Variants in KAZN observed in about 807,000 individuals in gnomAD.
KAZN encodes the protein kazrin, periplakin interacting protein, also known as kazrin.
KAZN carries 40 observed loss-of-function variants against 87.4 expected under a neutral mutation model. The ratio of observed to expected loss-of-function variants is 0.46; its 90% CI spans 0.36 to 0.60. The LOEUF is 0.60. Ranked by LOEUF, KAZN falls within the 20% of genes least tolerant of loss-of-function variation. The pLI is 0.00. For missense variants in KAZN, 898 were observed against 1,073.9 expected (o/e 0.84, Z 2.29); for synonymous variants, 466 against 458.3 (o/e 1.02, Z -0.22).
rs114044864 is a variant in KAZN, at chr1:14,313,363, C to T, written c.249+132771C>T. 5.8e-3 allele frequency among the ~76,000 whole-genome samples: 879 copies of T among 152,248 alleles called. 8 individuals are homozygous for T. The highest frequency in any genetic ancestry group is 0.02 in the African/African-American group (813 of 41,548). ...CTGGAGCCTGCCTTCTTTATCACTC[C>T]TTAAACAGCTTCATCAATGGAATGA... On this transcript the variant is annotated intron_variant, in intron 2 of 16. Transcript: ENST00000636203.
chr1:15,099,419 T>C lies in KAZN; in HGVS notation c.1548-2124T>C, dbSNP rs1458194616. Among the ~76,000 whole-genome samples the C allele has an allele frequency of 6.6e-6, 1 of 152,094 alleles. No homozygotes were observed. Among genetic ancestry groups the C allele is most frequent in the African/African-American group, 2.4e-5 (1 of 41,388 alleles). ...TGATTAGAGCTTTGAAGGAAAGCAC[T>C]AGGGACAGTAAGCAGACTTGGGGGC... On this transcript the variant is annotated intron_variant, in intron 10 of 14. Transcript: ENST00000376030. The surrounding 1 kb of genome is among the most constrained non-coding windows in gnomAD (Gnocchi z 5.4).
Position 14,669,799 on chromosome 1 carries a change from C to G in KAZN, c.226+70576C>G, listed in dbSNP as rs181054474. Among the ~76,000 whole-genome samples, 151 of 152,238 alleles carry G rather than the reference C, an allele frequency of 9.9e-4. 1 individual carries two copies. Among genetic ancestry groups the G allele is most frequent in the Non-Finnish European group, 2.9e-4 (20 of 68,010 alleles). ...AATAAAACCGAGGCCCTGTGAACCTCGTCTCCAATATTAAAACCTCTCCCA... is the reference window on the plus strand; with the variant it reads ...AATAAAACCGAGGCCCTGTGAACCTGGTCTCCAATATTAAAACCTCTCCCA... On this transcript the variant is annotated intron_variant, in intron 1 of 14. Coordinates refer to ENST00000376030, the MANE Select transcript of KAZN (RefSeq NM_201628.3).
intron 2 of KAZN, among the ~76,000 whole-genome samples, chr1:14,329,517 G>A (rs77963864): frequency 0.03 from 4,614 of 152,302 alleles, 252 homozygotes; most frequent in African/African-American, 0.11. Context: ...GACATGATTG[G>A]CAGATCTAAA....
chr1:14,087,811 A>G (rs967448063), intron 1 of KAZN, among the ~76,000 whole-genome samples: 6 of 152,028 alleles, frequency 3.9e-5, no homozygotes, highest in Non-Finnish European at 7.4e-5. Flanking sequence ...CCAGCTGGTC[A>G]TGGTATATTT....
At position 14,299,689 on chromosome 1, in the gene KAZN, C is replaced by T. The variant is rs191715445; in HGVS notation, c.249+119097C>T. Reference sequence around the variant, plus strand: ...ATCACACTCACTCTGTACCTCCCATCCTCCTTAGCTGGCGGCACCTAGGTA... The same window carrying T: ...ATCACACTCACTCTGTACCTCCCATTCTCCTTAGCTGGCGGCACCTAGGTA... On this transcript the variant is annotated intron_variant, in intron 2 of 16. Coordinates refer to the KAZN transcript ENST00000636203. Among the ~76,000 whole-genome samples, 288 of 152,312 alleles carry T rather than the reference C, an allele frequency of 1.9e-3. 1 individual carries two copies. Among genetic ancestry groups the T allele is most frequent in the Non-Finnish European group, 2.0e-3 (137 of 68,028 alleles).
chr1:14,748,795 A>G (rs1034407408), intron 1 of KAZN, among the ~76,000 whole-genome samples: 1 of 146,414 alleles, frequency 6.8e-6, no homozygotes, highest in African/African-American at 2.5e-5. Flanking sequence ...TTCAATAAGC[A>G]TCAGTCATGT....
chr1:15,046,732 T>C (rs1424682188), intron 4 of KAZN, among the ~76,000 whole-genome samples: 2 of 152,184 alleles, frequency 1.3e-5, no homozygotes, highest in African/African-American at 2.4e-5. Context: ...TGAGAACTGC[T>C]GGGCAGGAAA....
In KAZN at chr1:15,034,770, G is replaced by C. The variant is rs1161821581; in HGVS notation, c.440G>C (p.Arg147Pro). The C allele has an allele frequency of 6.2e-7, 1 of 1,613,976 alleles. No homozygotes were observed. ...CCAGCCATGAAAGCTGATCGGAAGCGCTTAAAGGGCGAGAAGACAGACCTG... is the reference window on the plus strand; with the variant it reads ...CCAGCCATGAAAGCTGATCGGAAGCCCTTAAAGGGCGAGAAGACAGACCTG... ...ALQAMKADRK[R>P]LKGEKTDLVS... is the part of the protein sequence containing the mutation. Residue 147 changes from arginine to proline, a missense_variant, in exon 3 of 15, where the codon CGC (arginine) becomes CCC (proline). By Grantham distance (103) the Arg-to-Pro change is moderately radical. Around this residue, in one of 3 missense-constraint regions of KAZN, gnomAD observed 250 missense variants for 263.0 expected, o/e 0.95. Coordinates refer to ENST00000376030, the MANE Select transcript of KAZN (RefSeq NM_201628.3).
chr1:14,419,763 GTGT>G (rs1665226537), intron 2 of KAZN, among the ~76,000 whole-genome samples: 1 of 151,922 alleles, frequency 6.6e-6, no homozygotes, highest in African/African-American at 2.4e-5. Flanking sequence ...GGTGCGTCTG[GTGT>G]TGTTTGTCCC....
rs1055060890 is a variant in KAZN at position 14,315,664 on chromosome 1, T to C, written c.249+135072T>C. On this transcript the variant is annotated intron_variant, in intron 2 of 16. Transcript: ENST00000636203. ...ATGGGATGATGTAGTATGTCCTCTT[T>C]TGTGTTTGGAGTCTTTCTCTTAGCA... Among the ~76,000 whole-genome samples, 4 of 152,192 alleles carry C rather than the reference T, an allele frequency of 2.6e-5. No individual in the cohort carries two copies. The East Asian group carries it at 5.8e-4, about 22-fold the overall frequency.
chr1:14,406,008 G>A (rs1486377248), intron 2 of KAZN, among the ~76,000 whole-genome samples: 2 of 152,178 alleles, frequency 1.3e-5, no homozygotes, highest in Admixed American at 1.3e-4. Context: ...GAGAAGTAAT[G>A]AATAATAAGA....
At chr1:14,970,514 T>G (rs1037941574) in intron 2 of KAZN, among the ~76,000 whole-genome samples, 1 of 152,174 alleles carries the variant, frequency 6.6e-6, no homozygotes, top group Non-Finnish European at 1.5e-5. Flanking sequence ...ATGCAGTAAT[T>G]TTTTTTGCAC....
chr1:14,582,110 C>T (rs1675593560), intron 2 of KAZN, among the ~76,000 whole-genome samples: 1 of 151,988 alleles, frequency 6.6e-6, no homozygotes, highest in Admixed American at 6.6e-5. Context: ...CAGTACCTAT[C>T]TGTTAGTACA....
At chr1:14,353,736 C>G (rs1408781814) in intron 2 of KAZN, among the ~76,000 whole-genome samples, 1 of 152,086 alleles carries the variant, frequency 6.6e-6, no homozygotes, top group Admixed American at 6.5e-5. Flanking sequence ...TTAAAGATGT[C>G]AAGATCTTTC....
chr1:14,346,024 T>C (rs190659310), intron 2 of KAZN, among the ~76,000 whole-genome samples: 2 of 152,312 alleles, frequency 1.3e-5, no homozygotes, highest in African/African-American at 4.8e-5. Context: ...AAAGGTGAAC[T>C]TGCAGAAAGT....
At position 14,782,524 on chromosome 1, in the gene KAZN, G is replaced by A. The variant is rs552146246; in HGVS notation, c.227-178160G>A. 3.6e-5 allele frequency among the ~76,000 whole-genome samples: 5 copies of A among 140,126 alleles called. No homozygotes were observed. In the East Asian group the frequency reaches 8.7e-4, roughly 24 times the overall value. 91.9% of individuals were successfully genotyped at this position (140,126 alleles called of 152,430 possible). On this transcript the variant is annotated intron_variant, in intron 1 of 14. Coordinates refer to ENST00000376030, the MANE Select transcript of KAZN (RefSeq NM_201628.3). Reference sequence around the variant, plus strand: ...GGCCGCGTCATTACACTCCAGTCTGGGCAACAGGGCAAGACTCCACCTCAA... The same window carrying A: ...GGCCGCGTCATTACACTCCAGTCTGAGCAACAGGGCAAGACTCCACCTCAA...
intron 1 of KAZN, among the ~76,000 whole-genome samples, chr1:14,640,336 G>A (rs1202833582): frequency 1.3e-5 from 2 of 152,112 alleles, no homozygotes; most frequent in Non-Finnish European, 2.9e-5. Flanking sequence ...TTGCCATGGA[G>A]GAGGCAAGAA....
intron 1 of KAZN, among the ~76,000 whole-genome samples, chr1:14,821,382 T>TGGC (rs201864761): frequency 0.066 from 9,976 of 152,070 alleles, 404 homozygotes; most frequent in Admixed American, 0.11. Context: ...CCAGGTGTTG[T>TGGC]GGCAGGCACC....
chr1:13,948,319 G>A (rs1419981644), intron 1 of KAZN, among the ~76,000 whole-genome samples: 4 of 152,100 alleles, frequency 2.6e-5, no homozygotes, highest in African/African-American at 9.7e-5. Context: ...TCATGGGGGC[G>A]GTTTTCCCTA....
Sources: allele counts gnomAD v4.1 joint callset (sites outside exome capture counted in the v4.1 genomes callset), GRCh38; gene constraint gnomAD v4.1.1; regional missense constraint gnomAD v4.1.1; non-coding constraint Gnocchi (gnomAD v3.1); transcripts MANE v1.5; gene names NCBI Gene and HGNC (gene_info 2026-07-23, HGNC 2026-07-21).